The following XRRA1 variants were observed in gnomAD, a reference collection of about 807,000 sequenced individuals.
XRRA1 encodes the protein X-ray radiation resistance-associated protein 1.
XRRA1 carries 69 observed loss-of-function variants against 80.2 expected under a neutral mutation model. That is an observed-to-expected ratio of 0.86 (90% CI 0.71 to 1.05). The LOEUF (loss-of-function observed/expected upper bound fraction) is 1.05, where lower values mean the gene tolerates loss of function less well. Ranked by LOEUF, XRRA1 falls within the 50% of genes least tolerant of loss-of-function variation. The probability of loss-of-function intolerance (pLI) is 0.00; values close to 1 mark genes in which losing one functional copy is unlikely to be tolerated. For missense variants in XRRA1, 967 were observed against 976.4 expected, an observed-to-expected ratio of 0.99 and a Z score of 0.13; for synonymous variants, 348 against 389.9, an observed-to-expected ratio of 0.89 and a Z score of 1.27.
chr11:74,908,012 C>A (rs999885461), intron 8 of XRRA1, among the ~76,000 whole-genome samples: 3 of 152,132 alleles, frequency 2.0e-5, no homozygotes, highest in Non-Finnish European at 2.9e-5. Flanking sequence ...CTCTCTTCCA[C>A]ACAGGCAGAT....
At chr11:74,917,766 C>T (rs567129065) in intron 8 of XRRA1, among the ~76,000 whole-genome samples, 16 of 152,118 alleles carry the variant, frequency 1.1e-4, no homozygotes, top group Non-Finnish European at 2.1e-4. Context: ...ACTTTTGGCA[C>T]TTCTGATTTA....
chr11:74,854,364 C>T (rs553570749), intron 12 of XRRA1, among the ~76,000 whole-genome samples: 4 of 152,234 alleles, frequency 2.6e-5, no homozygotes, highest in African/African-American at 7.2e-5. Context: ...AACATTTGAT[C>T]TTCTAGACCA....
intron 10 of XRRA1, among the ~76,000 whole-genome samples, chr11:74,881,519 G>A (rs2047578680): frequency 1.3e-5 from 2 of 149,098 alleles, no homozygotes; most frequent in South Asian, 4.3e-4. Context: ...ATGTTAGCTG[G>A]TTATTTTGCT....
intron 4 of XRRA1, among the ~76,000 whole-genome samples, 176 bp from the exon 5 acceptor site, chr11:74,934,048 A>C (rs1298799562): frequency 6.6e-6 from 1 of 152,200 alleles, no homozygotes; most frequent in Non-Finnish European, 1.5e-5. Context: ...AATATTTACC[A>C]AACACTAAAT....
chr11:74,922,484 A>G (rs1164986487), intron 7 of XRRA1, among the ~76,000 whole-genome samples: 1 of 152,004 alleles, frequency 6.6e-6, no homozygotes, highest in African/African-American at 2.4e-5. Flanking sequence ...TCCTTCTCCT[A>G]AGCCTCCATA....
chr11:74,892,176 A>T (rs1728567521), intron 10 of XRRA1, among the ~76,000 whole-genome samples: 1 of 152,186 alleles, frequency 6.6e-6, no homozygotes, highest in African/African-American at 2.4e-5. Context: ...TACAGTAACC[A>T]AAACAGCATG....
chr11:74,851,701 C>A (rs1323268588), intron 13 of XRRA1, among the ~76,000 whole-genome samples: 3 of 152,208 alleles, frequency 2.0e-5, no homozygotes. Flanking sequence ...ATTCCATATT[C>A]CATTCCCAAC....
At chr11:74,851,905 T>C in intron 13 of XRRA1, 84 bp downstream of exon 13, 3 of 1,154,548 alleles carry the variant, frequency 2.6e-6, no homozygotes, top group South Asian at 1.2e-5. Flanking sequence ...ATCCCAGGGC[T>C]TGGCATTGAT....
intron 8 of XRRA1, among the ~76,000 whole-genome samples, chr11:74,907,803 A>C (rs1346533791): frequency 1.3e-5 from 2 of 152,196 alleles, no homozygotes; most frequent in African/African-American, 4.8e-5. Context: ...AAGTGGCTTC[A>C]TAAAATGAAC....
chr11:74,926,594 TC>T (rs1275133673), intron 7 of XRRA1, among the ~76,000 whole-genome samples: 3 of 152,192 alleles, frequency 2.0e-5, no homozygotes, highest in Non-Finnish European at 4.4e-5. Flanking sequence ...ACATATGTTG[TC>T]CTTTACTACT....
At chr11:74,867,672 A>G (rs1160989093) in intron 10 of XRRA1, among the ~76,000 whole-genome samples, 2 of 152,322 alleles carry the variant, frequency 1.3e-5, no homozygotes, top group South Asian at 2.1e-4. Context: ...ATGCATGACA[A>G]TTTCCCCAAC....
intron 10 of XRRA1, among the ~76,000 whole-genome samples, chr11:74,898,664 AAAAC>A (rs1452729273): frequency 6.6e-6 from 1 of 152,180 alleles, no homozygotes; most frequent in Non-Finnish European, 1.5e-5. Flanking sequence ...GATAATTAAA[AAAAC>A]AAAGAAGATA....
intron 10 of XRRA1, among the ~76,000 whole-genome samples, chr11:74,878,803 G>A (rs2046729652): frequency 6.6e-6 from 1 of 151,578 alleles, no homozygotes; most frequent in South Asian, 2.1e-4. Flanking sequence ...TGAGGGCTCT[G>A]TTCTGTTCCA....
At chr11:74,888,382 T>G (rs559479673) in intron 10 of XRRA1, among the ~76,000 whole-genome samples, 1 of 151,934 alleles carries the variant, frequency 6.6e-6, no homozygotes, top group Non-Finnish European at 1.5e-5. Context: ...GAAGGAAAAC[T>G]AACAGAAAGG....
Position 74,940,814 on chromosome 11 carries a change from G to T in XRRA1, c.65C>A (p.Ala22Asp). ...GKPYLNNCFP[A>D]RNLLRVPEEG... ...CTCCGGCACGCGAAGCAGATTTCTG[G>T]CTGGGAAGCAGTTGTTCAGGTAAGG... The change falls in exon 3 of 19, where the codon GCC becomes GAC. Residue 22 changes from alanine to aspartate, a missense_variant. Ala to Asp is a moderately radical substitution (Grantham distance 126). Transcript: ENST00000684022. 6.2e-7 allele frequency: 1 copy of T among 1,608,674 alleles called. No individual in the cohort carries two copies. Among genetic ancestry groups the T allele is most frequent in the Non-Finnish European group, 8.5e-7 (1 of 1,177,690 alleles).
intron 10 of XRRA1, among the ~76,000 whole-genome samples, chr11:74,880,527 T>A (rs1456741751): frequency 6.7e-6 from 1 of 149,366 alleles, no homozygotes; most frequent in Non-Finnish European, 1.5e-5. Flanking sequence ...TTGCTCTTGC[T>A]TTTCTAGTTC....
intron 2 of XRRA1, among the ~76,000 whole-genome samples, chr11:74,941,608 C>G (rs1380278956): frequency 1.3e-5 from 2 of 152,116 alleles, no homozygotes; most frequent in Non-Finnish European, 2.9e-5. Context: ...GGAGCTCAGG[C>G]TTCATCTTGT....
At chr11:74,875,107 A>T (rs1258692806) in intron 10 of XRRA1, among the ~76,000 whole-genome samples, 4 of 152,200 alleles carry the variant, frequency 2.6e-5, no homozygotes, top group Non-Finnish European at 2.9e-5. Flanking sequence ...CCTACTACTA[A>T]AGATAACCTA....
chr11:74,945,657 G>GA (rs1308598713), intron 1 of XRRA1, among the ~76,000 whole-genome samples: 2 of 150,754 alleles, frequency 1.3e-5, no homozygotes, highest in East Asian at 1.9e-4. Flanking sequence ...TTATATGGTA[G>GA]AAAAAAAAGT....
Sources: allele counts gnomAD v4.1 joint callset (sites outside exome capture counted in the v4.1 genomes callset), GRCh38; gene constraint gnomAD v4.1.1; transcripts MANE v1.5; gene names NCBI Gene and HGNC (gene_info 2026-07-23, HGNC 2026-07-21).